Variants in COX15 observed in about 807,000 individuals in gnomAD.
The protein encoded by COX15 is cytochrome c oxidase assembly factor COX15, also known as heme A synthase COX15.
COX15 carries 51 observed loss-of-function variants against 51.9 expected under a neutral mutation model. That is an observed-to-expected ratio of 0.98 (90% confidence interval 0.78 to 1.24). The LOEUF (loss-of-function observed/expected upper bound fraction) is 1.24, where lower values mean the gene tolerates loss of function less well. COX15 is among the 50% of genes most tolerant of loss of function. The pLI, the probability that COX15 is intolerant of heterozygous loss-of-function variation, is 0.00. For missense variants in COX15, 420 were observed against 501.1 expected (o/e 0.84, Z 1.55); for synonymous variants, 188 against 190.5 (o/e 0.99, Z 0.11).
Position 99,713,362 on chromosome 10 carries a change from G to T in COX15, c.*1225C>A. On this transcript the variant is annotated 3_prime_UTR_variant, in exon 9 of 9. Coordinates refer to ENST00000016171, the MANE Select transcript of COX15 (RefSeq NM_078470.6). ...TGGGGTCATTCTGGGACTGTTTTCAGTTGCCACTGTCATCTATTATATTAG... is the reference window on the plus strand; with the variant it reads ...TGGGGTCATTCTGGGACTGTTTTCATTTGCCACTGTCATCTATTATATTAG... The T allele has an allele frequency of 6.2e-6, 10 of 1,613,266 alleles. No individual in the cohort carries two copies. The highest frequency in any genetic ancestry group is 8.5e-6 in the Non-Finnish European group (10 of 1,179,804).
rs991593649 is a variant in COX15 at position 99,732,097 on chromosome 10, G to A, written c.-48C>T. ...CTCTTCCACAACCCAGGGCTCTGTGGTCTCCCTCCTCCGCCAAGGAAAAGA... is the reference window on the plus strand; with the variant it reads ...CTCTTCCACAACCCAGGGCTCTGTGATCTCCCTCCTCCGCCAAGGAAAAGA... On this transcript the variant is annotated 5_prime_UTR_variant, in exon 1 of 9. Transcript: ENST00000016171. The A allele has an allele frequency of 6.3e-7, 1 of 1,590,636 alleles. No individual in the cohort carries two copies. Among genetic ancestry groups the A allele is most frequent in the Non-Finnish European group, 8.6e-7 (1 of 1,168,256 alleles).
chr10:99,727,540 A>G lies in COX15; in HGVS notation c.296T>C (p.Met99Thr). ...CTCCTTTATTAAATGCCAATCTACC[A>G]TCGAGAGGCCAGACTCTGTCAACCT... is the stretch of plus-strand genomic sequence containing the variant. ...VTRLTESGLS[M>T]VDWHLIKEMK... Residue 99 changes from methionine to threonine, a missense_variant, in exon 3 of 9, where the codon ATG becomes ACG. By Grantham distance (81) the Met-to-Thr change is moderately conservative. Coordinates refer to ENST00000016171, the MANE Select transcript of COX15 (RefSeq NM_078470.6). 6.2e-7 allele frequency: 1 copy of G among 1,613,818 alleles called. No homozygotes were observed. The highest frequency in any genetic ancestry group is 8.5e-7 in the Non-Finnish European group (1 of 1,180,014).
chr10:99,696,220 C>A, the COX15 span: 1 of 1,399,280 alleles, frequency 7.1e-7, no homozygotes, highest in Non-Finnish European at 9.7e-7. Context: ...TAAGTCCCTG[C>A]TTCCTCCTTC....
chr10:99,722,619 G>A (rs966140738), intron 5 of COX15, among the ~76,000 whole-genome samples: 2 of 152,088 alleles, frequency 1.3e-5, no homozygotes, highest in African/African-American at 4.8e-5. Flanking sequence ...GATCACCTGA[G>A]GTCAGGAGTT....
rs1472752153 is a variant in COX15, at chr10:99,711,431, C to A, written c.*3156G>T. 1.0e-6 allele frequency: 1 copy of A among 985,226 alleles called. No individual in the cohort carries two copies. Among genetic ancestry groups the A allele is most frequent in the Non-Finnish European group, 1.2e-6 (1 of 829,928 alleles). The allele number at this position is 985,226 out of a possible 1,614,324, so 61.0% of individuals were successfully genotyped here. A position where few individuals can be genotyped will look rare whatever the true frequency, so the allele number is the denominator to read the frequency against. On this transcript the variant is annotated 3_prime_UTR_variant, in exon 9 of 9. Coordinates refer to ENST00000016171, the MANE Select transcript of COX15 (RefSeq NM_078470.6). The stretch of plus-strand genomic sequence containing the variant: ...GTTCCCTTTCTTTGAAGGATTCTAT[C>A]CAGAAGAGACCATATCCTACTAACA...
chr10:99,716,980 A>T (rs1448426299), intron 7 of COX15, among the ~76,000 whole-genome samples: 1 of 151,982 alleles, frequency 6.6e-6, no homozygotes, highest in Non-Finnish European at 1.5e-5. Flanking sequence ...TTCCTCTTCC[A>T]CGGTATCAGG....
downstream of COX15, chr10:99,709,730 T>C (rs892621937): frequency 2.0e-6 from 2 of 985,284 alleles, no homozygotes; most frequent in African/African-American, 3.5e-5. Flanking sequence ...ATTTTAAGCC[T>C]GCTCTGTCTA....
the COX15 span, chr10:99,705,288 T>C: frequency 6.4e-6 from 1 of 156,348 alleles, no homozygotes; most frequent in African/African-American, 2.4e-5. Flanking sequence ...GTAGTGTTGA[T>C]GATGTTAGTA....
intron 5 of COX15, chr10:99,722,822 A>G (rs2036819393): frequency 6.6e-6 from 1 of 152,142 alleles, no homozygotes; most frequent in Non-Finnish European, 1.5e-5. Context: ...CAACAGAGCA[A>G]GACTCCATCT....
chr10:99,720,424 C>G (rs2036724280), intron 6 of COX15, among the ~76,000 whole-genome samples: 1 of 152,058 alleles, frequency 6.6e-6, no homozygotes, highest in South Asian at 2.1e-4. Flanking sequence ...CCAGCCTGGG[C>G]AACAGAGTGA....
At position 99,712,665 on chromosome 10, in the gene COX15, AC is replaced by A; in HGVS notation, c.*1921del. 1 of 957,868 alleles carries A rather than the reference AC, an allele frequency of 1.0e-6. No individual in the cohort carries two copies. Among genetic ancestry groups the A allele is most frequent in the Non-Finnish European group, 1.2e-6 (1 of 804,938 alleles). 59.3% of individuals were successfully genotyped at this position (957,868 alleles called of 1,614,324 possible). On this transcript the variant is annotated 3_prime_UTR_variant, in exon 9 of 9. Transcript: ENST00000016171. ...AAACAAAAACCCAGAAGATCTAACA[AC>A]CCTGGACCTGTAGAGTGGCAGCAAC...
intron 7 of COX15, among the ~76,000 whole-genome samples, chr10:99,717,725 C>T (rs1168733713): frequency 1.3e-5 from 2 of 152,122 alleles, no homozygotes; most frequent in African/African-American, 2.4e-5. Context: ...ATGCATCATT[C>T]TTCTCAAGTC....
the COX15 span, among the ~76,000 whole-genome samples, chr10:99,700,055 G>C: frequency 6.6e-6 from 1 of 152,102 alleles, no homozygotes; most frequent in Non-Finnish European, 1.5e-5. Flanking sequence ...GTTTGTATTT[G>C]CTCCTTTCTC....
At chr10:99,697,217 G>T in the COX15 span, among the ~76,000 whole-genome samples, 4 of 152,186 alleles carry the variant, frequency 2.6e-5, no homozygotes, top group Non-Finnish European at 5.9e-5. Context: ...ATTGACTAAT[G>T]CATTAAAATC....
chr10:99,715,520 T>C (rs947477929), intron 8 of COX15, among the ~76,000 whole-genome samples: 21 of 42,188 alleles, frequency 5.0e-4, no homozygotes, highest in African/African-American at 1.3e-3. Context: ...AAAAGGTCTT[T>C]GTTGCATTGG....
the COX15 span, chr10:99,701,171 A>T: frequency 2.0e-6 from 2 of 985,376 alleles, no homozygotes; most frequent in African/African-American, 1.6e-5. Context: ...GCATTTGATT[A>T]TTCCAGACTT....
chr10:99,700,320 A>T, the COX15 span, among the ~76,000 whole-genome samples: 1 of 152,000 alleles, frequency 6.6e-6, no homozygotes, highest in Non-Finnish European at 1.5e-5. Context: ...ATCCAAAATG[A>T]CAACGCTCCC....
the COX15 span, chr10:99,700,888 T>C: frequency 1.8e-6 from 2 of 1,127,846 alleles, no homozygotes; most frequent in South Asian, 2.6e-5. Context: ...CAAGTAACTT[T>C]AGAAATGGAA....
chr10:99,732,052 T>C lies in COX15; in HGVS notation c.-3A>G, dbSNP rs562621108. ...GGCGGAAAGAGCAATCGCTGCATACTGATGACAGGGAACAGCCACCTCTTC... is the reference window on the plus strand; with the variant it reads ...GGCGGAAAGAGCAATCGCTGCATACCGATGACAGGGAACAGCCACCTCTTC... On this transcript the variant is annotated 5_prime_UTR_variant, in exon 1 of 9. Transcript: ENST00000016171. 6 of 1,612,196 alleles carry C rather than the reference T, an allele frequency of 3.7e-6. No individual in the cohort carries two copies. Among genetic ancestry groups the C allele is most frequent in the Admixed American group, 1.7e-5 (1 of 59,760 alleles).
Sources: allele counts gnomAD v4.1 joint callset (sites outside exome capture counted in the v4.1 genomes callset), GRCh38; gene constraint gnomAD v4.1.1; transcripts MANE v1.5; gene names NCBI Gene and HGNC (gene_info 2026-07-23, HGNC 2026-07-21).